Variants in RUNX1 observed in about 807,000 individuals in gnomAD.
RUNX1 encodes the protein RUNX family transcription factor 1.
A neutral mutation model predicts 42.8 loss-of-function variants in RUNX1; 19 were observed. That is an observed-to-expected ratio of 0.44 (90% CI 0.31 to 0.65). RUNX1 has a LOEUF of 0.65. Among genes scored for constraint, RUNX1 ranks in the 30% least tolerant of loss-of-function variants. RUNX1 has a pLI of 0.07. For missense variants in RUNX1, 528 were observed against 672.0 expected (o/e 0.79, Z 2.37); for synonymous variants, 271 against 289.4 (o/e 0.94, Z 0.64).
At chr21:34,975,293 A>G (rs116721028) in intron 2 of RUNX1, among the ~76,000 whole-genome samples, 2,619 of 152,338 alleles carry the variant, frequency 0.017, 71 homozygotes, top group African/African-American at 0.059. Flanking sequence ...CTCTGCTTCT[A>G]TGGATTTAAC....
intron 7 of RUNX1, among the ~76,000 whole-genome samples, chr21:34,810,145 T>C (rs1440809094): frequency 6.6e-6 from 1 of 152,222 alleles, no homozygotes; most frequent in African/African-American, 2.4e-5. Flanking sequence ...CAACCACGGG[T>C]TTCTCAGTGG....
rs553071645 is a variant in RUNX1, at chr21:34,818,403, C to T, written c.805+16007G>A. On this transcript the variant is annotated intron_variant, in intron 7 of 8. Transcript: ENST00000675419. Reference sequence around the variant, plus strand: ...GAGGGAGAAGGAGAGGGAAAGGGCCCGAGAGGCAGCTGACCCCAGCATTTC... The same window carrying T: ...GAGGGAGAAGGAGAGGGAAAGGGCCTGAGAGGCAGCTGACCCCAGCATTTC... Among the ~76,000 whole-genome samples, 15 of 152,220 alleles carry T rather than the reference C, an allele frequency of 9.9e-5. No individual in the cohort carries two copies. The East Asian group carries it at 2.1e-3, about 22-fold the overall frequency.
intron 2 of RUNX1, among the ~76,000 whole-genome samples, chr21:34,900,086 C>G (rs1157198429): frequency 6.6e-6 from 1 of 152,092 alleles, no homozygotes; most frequent in Non-Finnish European, 1.5e-5. Context: ...TTTCTAGTAG[C>G]CACATTAAAA....
chr21:35,030,564 A>C (rs2059265977), intron 2 of RUNX1, among the ~76,000 whole-genome samples: 1 of 152,194 alleles, frequency 6.6e-6, no homozygotes, highest in Non-Finnish European at 1.5e-5. Context: ...AGAGGGCATT[A>C]GATCGGCTCA....
intron 8 of RUNX1, among the ~76,000 whole-genome samples, chr21:34,794,195 C>T (rs1569004444): frequency 6.6e-6 from 1 of 151,898 alleles, no homozygotes; most frequent in East Asian, 1.9e-4. Flanking sequence ...TATATCCTAA[C>T]AATATTAATA....
intron 6 of RUNX1, among the ~76,000 whole-genome samples, chr21:34,848,249 C>T (rs544984799): frequency 6.6e-6 from 1 of 152,350 alleles, no homozygotes; most frequent in South Asian, 2.1e-4. Flanking sequence ...ATCAGGAAGC[C>T]AGCTCTGGAG....
intron 2 of RUNX1, among the ~76,000 whole-genome samples, chr21:34,978,022 ACCATTCTCCTGCTTCAG>A (rs1486781832): frequency 6.6e-6 from 1 of 151,584 alleles, no homozygotes; most frequent in Non-Finnish European, 1.5e-5. Flanking sequence ...TCCCAGGTTC[ACCATTCTCCTGCTTCAG>A]CCATTCTCCT....
At chr21:34,831,452 G>GTATT (rs2146054261) in intron 7 of RUNX1, among the ~76,000 whole-genome samples, 1 of 152,282 alleles carries the variant, frequency 6.6e-6, no homozygotes, top group Admixed American at 6.5e-5. Flanking sequence ...TTCTATATCA[G>GTATT]TATTTTCTTG....
chr21:34,899,923 T>C (rs1485423306), intron 2 of RUNX1, among the ~76,000 whole-genome samples: 1 of 152,182 alleles, frequency 6.6e-6, no homozygotes, highest in African/African-American at 2.4e-5. Context: ...GGCTGGATGA[T>C]TGCTTGAGCA....
At chr21:34,812,429 C>T (rs1369417391) in intron 7 of RUNX1, among the ~76,000 whole-genome samples, 1 of 152,202 alleles carries the variant, frequency 6.6e-6, no homozygotes, top group Non-Finnish European at 1.5e-5. Flanking sequence ...GCCATTTGTG[C>T]TTTCATAAGC....
chr21:34,911,850 A>T (rs1384949235), intron 2 of RUNX1, among the ~76,000 whole-genome samples: 1 of 151,882 alleles, frequency 6.6e-6, no homozygotes, highest in Non-Finnish European at 1.5e-5. Context: ...TTCTGCCTGG[A>T]CCACTTTCCT....
chr21:34,978,974 A>ACACACACACACACACC (rs2058825392), intron 2 of RUNX1, among the ~76,000 whole-genome samples: 1 of 151,478 alleles, frequency 6.6e-6, no homozygotes, highest in Non-Finnish European at 1.5e-5. Context: ...ACACACACAC[A>ACACACACACACACACC]CACACAGCAT....
chr21:34,901,651 C>A lies in RUNX1; in HGVS notation c.59-8688G>T, dbSNP rs1183489730. ...TCTCCACATTCTCTTTGGTGTGGGC[C>A]CTTCTCCACATGCTCTTTGGTTCCG... On this transcript the variant is annotated intron_variant, in intron 2 of 8. Transcript: ENST00000675419. The surrounding 1 kb of genome is among the most constrained non-coding windows in gnomAD (Gnocchi z 4.3). Among the ~76,000 whole-genome samples, 1 of 152,144 alleles carries A rather than the reference C, an allele frequency of 6.6e-6. No homozygotes were observed. Among genetic ancestry groups the A allele is most frequent in the Non-Finnish European group, 1.5e-5 (1 of 68,020 alleles).
intron 2 of RUNX1, among the ~76,000 whole-genome samples, chr21:35,003,727 T>C (rs1315127629): frequency 6.6e-6 from 1 of 152,192 alleles, no homozygotes; most frequent in African/African-American, 2.4e-5. Context: ...CAGGGGCAGA[T>C]GCTTCCCTTA....
At chr21:34,793,010 C>G (rs1406134180) in intron 8 of RUNX1, among the ~76,000 whole-genome samples, 1 of 150,418 alleles carries the variant, frequency 6.6e-6, no homozygotes, top group Non-Finnish European at 1.5e-5. Flanking sequence ...AGGATGCTAC[C>G]GCCTAGGAGG....
chr21:35,004,319 A>G (rs2059067829), intron 2 of RUNX1, among the ~76,000 whole-genome samples: 1 of 152,250 alleles, frequency 6.6e-6, no homozygotes, highest in African/African-American at 2.4e-5. Flanking sequence ...TAATTCTAGA[A>G]AACAAGAGGC....
At chr21:35,012,277 A>C (rs2059131427) in intron 2 of RUNX1, among the ~76,000 whole-genome samples, 1 of 152,184 alleles carries the variant, frequency 6.6e-6, no homozygotes, top group African/African-American at 2.4e-5. Context: ...CAGGCCCAGC[A>C]GTCCAAAAGC....
At chr21:34,815,411 C>T (rs2056812031) in intron 7 of RUNX1, among the ~76,000 whole-genome samples, 1 of 152,144 alleles carries the variant, frequency 6.6e-6, no homozygotes, top group African/African-American at 2.4e-5. Flanking sequence ...GGAGGAAGCA[C>T]CAAGTGAAGC....
intron 2 of RUNX1, among the ~76,000 whole-genome samples, chr21:35,002,107 ATATTAT>A (rs1028092510): frequency 1.3e-5 from 2 of 151,582 alleles, no homozygotes; most frequent in African/African-American, 2.4e-5. Flanking sequence ...CAAAATCCCA[ATATTAT>A]TATTATTATT....
Sources: gnomAD v4.1 joint callset for allele counts (sites outside exome capture counted in the v4.1 genomes callset) on GRCh38, gnomAD v4.1.1 for gene constraint, Gnocchi (gnomAD v3.1) non-coding constraint, MANE v1.5 for transcripts, NCBI Gene and HGNC (gene_info 2026-07-23, HGNC 2026-07-21) for gene names.